The following PDE9A variants were observed in gnomAD, a reference collection of about 807,000 sequenced individuals.
PDE9A encodes the protein high affinity cGMP-specific 3',5'-cyclic phosphodiesterase 9A.
Under a neutral mutation model 87.4 loss-of-function variants are expected in PDE9A, and 60 were observed. The ratio of observed to expected loss-of-function variants is 0.69; its 90% CI spans 0.56 to 0.85. The LOEUF (loss-of-function observed/expected upper bound fraction) is 0.85. Among genes scored for constraint, PDE9A ranks in the 40% least tolerant of loss-of-function variants. The probability of loss-of-function intolerance (pLI) is 0.00; values close to 1 mark genes in which losing one functional copy is unlikely to be tolerated. For missense variants in PDE9A, 665 were observed against 779.0 expected, an observed-to-expected ratio of 0.85 and a Z score of 1.74; for synonymous variants, 272 against 279.4, an observed-to-expected ratio of 0.97 and a Z score of 0.27.
At chr21:42,758,941 G>A in intron 10 of PDE9A, 58 bp from the exon 11 acceptor site, 1 of 1,358,806 alleles carries the variant, frequency 7.4e-7, no homozygotes. Context: ...AAGGAAGCCA[G>A]GGGCTGGGGA....
intron 1 of PDE9A, among the ~76,000 whole-genome samples, chr21:42,673,566 G>T (rs1226484569): frequency 6.6e-6 from 1 of 152,106 alleles, no homozygotes; most frequent in African/African-American, 2.4e-5. Flanking sequence ...TAAACAGTTG[G>T]GCAAATCATA....
intron 1 of PDE9A, among the ~76,000 whole-genome samples, chr21:42,664,896 T>C (rs1478533884): frequency 6.6e-6 from 1 of 152,254 alleles, no homozygotes; most frequent in Non-Finnish European, 1.5e-5. Context: ...GTCACTGCTG[T>C]GAGTTGAATT....
intron 4 of PDE9A, among the ~76,000 whole-genome samples, chr21:42,729,305 T>G (rs934204067): frequency 6.6e-6 from 1 of 152,174 alleles, no homozygotes; most frequent in African/African-American, 2.4e-5. Context: ...TCCCGTATTA[T>G]CCTTTTGATG....
rs988729904 is a variant in PDE9A at position 42,675,516 on chromosome 21, C to T, written c.70-10676C>T. ...TTTATCTTCATTATGTCCCTAAGAG[C>T]CATTCCTGGAAATGAGACTGTGAGT... is the stretch of plus-strand genomic sequence containing the variant. On this transcript the variant is annotated intron_variant, in intron 1 of 19. Transcript: ENST00000291539. This position sits in a 1 kb window ranked among gnomAD's most constrained non-coding sequence, Gnocchi z 4.3. Among the ~76,000 whole-genome samples, 2 of 152,206 alleles carry T rather than the reference C, an allele frequency of 1.3e-5. No individual in the cohort carries two copies. Among genetic ancestry groups the T allele is most frequent in the Non-Finnish European group, 2.9e-5 (2 of 68,042 alleles).
At chr21:42,769,608 A>G (rs1187541646) in intron 17 of PDE9A, among the ~76,000 whole-genome samples, 2 of 145,158 alleles carry the variant, frequency 1.4e-5, no homozygotes, top group Non-Finnish European at 3.0e-5. Context: ...ACACAAATGC[A>G]CATGCAGGTA....
intron 15 of PDE9A, among the ~76,000 whole-genome samples, chr21:42,767,506 G>A (rs1248471583): frequency 6.6e-6 from 1 of 150,532 alleles, no homozygotes. Flanking sequence ...TGGAAGGCAG[G>A]ATCCACCAAG....
At chr21:42,738,048 G>A (rs926922455) in intron 7 of PDE9A, among the ~76,000 whole-genome samples, 4 of 152,204 alleles carry the variant, frequency 2.6e-5, no homozygotes, top group African/African-American at 9.7e-5. Flanking sequence ...GTCCTGGCTG[G>A]AGGTGAAACA....
rs779225893 is a variant in PDE9A, at chr21:42,739,781, CAG to C, written c.569-3992_569-3991del. On this transcript the variant is annotated intron_variant, in intron 7 of 19. Transcript: ENST00000291539. The surrounding 1 kb of genome is among the most constrained non-coding windows in gnomAD (Gnocchi z 4.1). ...TCAAAAACCATGAGCTGGCTTAAAA[CAG>C]AGCCTTGTATGGACATGGGAAAAAA... Among the ~76,000 whole-genome samples, 56 of 152,150 alleles carry C rather than the reference CAG, an allele frequency of 3.7e-4. No individual in the cohort carries two copies. Among genetic ancestry groups the C allele is most frequent in the Admixed American group, 9.8e-4 (15 of 15,286 alleles).
intron 1 of PDE9A, among the ~76,000 whole-genome samples, chr21:42,655,921 C>T (rs1281253864): frequency 6.6e-6 from 1 of 151,674 alleles, no homozygotes; most frequent in Non-Finnish European, 1.5e-5. Context: ...GACTGTGAGT[C>T]CTGGTTGAAG....
At chr21:42,673,604 AT>A (rs2058679778) in intron 1 of PDE9A, among the ~76,000 whole-genome samples, 1 of 152,234 alleles carries the variant, frequency 6.6e-6, no homozygotes, top group Non-Finnish European at 1.5e-5. Flanking sequence ...ATAAATTTGC[AT>A]TTGTGGCACC....
chr21:42,714,120 G>A (rs2049608609), intron 4 of PDE9A, among the ~76,000 whole-genome samples: 2 of 144,816 alleles, frequency 1.4e-5, no homozygotes, highest in Admixed American at 7.3e-5. Context: ...CCGGGTTCAC[G>A]CCATTCTCCT....
chr21:42,657,584 T>C (rs1323673234), intron 1 of PDE9A, among the ~76,000 whole-genome samples: 1 of 152,188 alleles, frequency 6.6e-6, no homozygotes, highest in Non-Finnish European at 1.5e-5. Context: ...GAGCTGCCCA[T>C]GGAGTGACAG....
intron 7 of PDE9A, among the ~76,000 whole-genome samples, chr21:42,740,717 TAGA>T (rs2053120184): frequency 7.2e-6 from 1 of 138,602 alleles, no homozygotes; most frequent in African/African-American, 2.7e-5. Context: ...GATAGATAGA[TAGA>T]TAGATAGATA....
intron 8 of PDE9A, among the ~76,000 whole-genome samples, chr21:42,745,940 T>C (rs1355086027): frequency 6.6e-6 from 1 of 152,240 alleles, no homozygotes; most frequent in Non-Finnish European, 1.5e-5. Context: ...CCAAGGGGTG[T>C]GTCTGGAGCC....
rs990301404 is a variant in PDE9A, at chr21:42,717,240, C to T, written c.263-14530C>T. On this transcript the variant is annotated intron_variant, in intron 4 of 19. Transcript: ENST00000291539. Reference sequence around the variant, plus strand: ...TTCTTTTTTCTTTTAATGTTTCTTGCAGTGCATATCTGCTAGTAACTAATT... The same window carrying T: ...TTCTTTTTTCTTTTAATGTTTCTTGTAGTGCATATCTGCTAGTAACTAATT... 3.3e-5 allele frequency among the ~76,000 whole-genome samples: 5 copies of T among 149,486 alleles called. 1 individual carries two copies. The highest frequency in any genetic ancestry group is 1.3e-4 in the Admixed American group (2 of 15,016).
At chr21:42,725,620 G>C (rs73229581) in intron 4 of PDE9A, among the ~76,000 whole-genome samples, 12,716 of 152,126 alleles carry the variant, frequency 0.084, 620 homozygotes, top group Non-Finnish European at 0.12. Context: ...TGGGATTGGC[G>C]CCTTCCACCC....
chr21:42,688,097 G>A, intron 3 of PDE9A, 103 bp downstream of exon 3: 1 of 956,912 alleles, frequency 1.0e-6, no homozygotes. Context: ...AGAAAGGTGT[G>A]AATTGACAGC....
intron 19 of PDE9A, among the ~76,000 whole-genome samples, chr21:42,773,474 A>T (rs138879886): frequency 6.6e-6 from 1 of 152,306 alleles, no homozygotes; most frequent in East Asian, 1.9e-4. Context: ...CATTCAGCTC[A>T]CGGGGAATGC....
intron 1 of PDE9A, among the ~76,000 whole-genome samples, chr21:42,655,557 G>C (rs2056995669): frequency 6.6e-6 from 1 of 152,180 alleles, no homozygotes; most frequent in African/African-American, 2.4e-5. Flanking sequence ...CACCTTTGCG[G>C]GGGAGAGGCG....
Sources: gnomAD v4.1 joint callset for allele counts (sites outside exome capture counted in the v4.1 genomes callset) on GRCh38, gnomAD v4.1.1 for gene constraint, Gnocchi (gnomAD v3.1) non-coding constraint, MANE v1.5 for transcripts, NCBI Gene and HGNC (gene_info 2026-07-23, HGNC 2026-07-21) for gene names.